Variants in VKORC1L1 observed in about 807,000 individuals in gnomAD.
The protein encoded by VKORC1L1 is vitamin K epoxide reductase complex subunit 1-like protein 1.
VKORC1L1 carries 2 observed loss-of-function variants against 18.9 expected under a neutral mutation model. The ratio of observed to expected loss-of-function variants is 0.11; its 90% CI spans 0.04 to 0.33. The LOEUF is 0.33. Among genes scored for constraint, VKORC1L1 ranks in the 10% least tolerant of loss-of-function variants. The pLI is 1.00. For missense variants in VKORC1L1, 123 were observed against 224.1 expected (o/e 0.55, Z 2.88); for synonymous variants, 96 against 100.0 (o/e 0.96, Z 0.24).
chr7:65,880,697 A>G (rs1324773146), intron 1 of VKORC1L1, among the ~76,000 whole-genome samples: 1 of 152,168 alleles, frequency 6.6e-6, no homozygotes, highest in Non-Finnish European at 1.5e-5. Context: ...ATTAGGAAGA[A>G]CTTGAAAGGG....
intron 1 of VKORC1L1, among the ~76,000 whole-genome samples, chr7:65,911,848 T>C (rs1789507497): frequency 6.6e-6 from 1 of 152,226 alleles, no homozygotes; most frequent in African/African-American, 2.4e-5. Context: ...GGCATTTTGC[T>C]CTGACTGGAT....
At chr7:65,916,829 C>T (rs1789597149) in intron 1 of VKORC1L1, among the ~76,000 whole-genome samples, 1 of 152,094 alleles carries the variant, frequency 6.6e-6, no homozygotes, top group African/African-American at 2.4e-5. Flanking sequence ...AACTCCTGAC[C>T]TCAGGTGATC....
Position 65,957,439 on chromosome 7 carries a change from C to A in VKORC1L1, c.*3139C>A, listed in dbSNP as rs1380790801. ...GAGGTTGCAGTGAGTCAAGATCATG[C>A]CACTGCACTCCAGCCTGGCCAACAG... On this transcript the variant is annotated 3_prime_UTR_variant, in exon 3 of 3. Coordinates refer to ENST00000360768, the MANE Select transcript of VKORC1L1 (RefSeq NM_173517.6). 3.3e-5 allele frequency: 5 copies of A among 151,906 alleles called. No homozygotes were observed. Among genetic ancestry groups the A allele is most frequent in the African/African-American group, 1.2e-4 (5 of 41,368 alleles). The allele number at this position is 151,906 out of a possible 1,614,324, so 9.4% of individuals were successfully genotyped here. A position where few individuals can be genotyped will look rare whatever the true frequency, so the allele number is the denominator to read the frequency against.
At chr7:65,940,355 A>G (rs1165584353) in intron 1 of VKORC1L1, among the ~76,000 whole-genome samples, 2 of 152,134 alleles carry the variant, frequency 1.3e-5, no homozygotes, top group Non-Finnish European at 2.9e-5. Context: ...ATACCCAAAC[A>G]ATCAATCAAT....
intron 2 of VKORC1L1, among the ~76,000 whole-genome samples, chr7:65,953,070 T>G (rs1790240122): frequency 6.6e-6 from 1 of 151,986 alleles, no homozygotes; most frequent in African/African-American, 2.4e-5. Flanking sequence ...GTCCTAGCAT[T>G]ACAGGCATGA....
At chr7:65,900,349 CAT>C (rs1789294116) in intron 1 of VKORC1L1, among the ~76,000 whole-genome samples, 1 of 150,368 alleles carries the variant, frequency 6.7e-6, no homozygotes, top group African/African-American at 2.5e-5. Context: ...GAGCTGAGAT[CAT>C]GCCACTGCAC....
At chr7:65,912,920 G>A (rs1789523865) in intron 1 of VKORC1L1, among the ~76,000 whole-genome samples, 1 of 152,086 alleles carries the variant, frequency 6.6e-6, no homozygotes, top group Admixed American at 6.6e-5. Context: ...ATTTCATCAT[G>A]GACTAGTAAA....
chr7:65,911,541 G>A (rs188836767), intron 1 of VKORC1L1, among the ~76,000 whole-genome samples: 4 of 152,180 alleles, frequency 2.6e-5, no homozygotes, highest in Non-Finnish European at 2.9e-5. Context: ...ATCACTGGTC[G>A]TGCACTTGCA....
chr7:65,895,049 T>C (rs1309921384), intron 1 of VKORC1L1, among the ~76,000 whole-genome samples: 1 of 152,224 alleles, frequency 6.6e-6, no homozygotes, highest in Non-Finnish European at 1.5e-5. Context: ...GTATCTGCTG[T>C]AAGTTGCTGT....
the VKORC1L1 span, among the ~76,000 whole-genome samples, chr7:65,867,482 G>C: frequency 9.2e-5 from 14 of 151,826 alleles, no homozygotes; most frequent in African/African-American, 2.9e-4. Flanking sequence ...TCTGGGAGTT[G>C]ACTGGGTTCA....
intron 1 of VKORC1L1, among the ~76,000 whole-genome samples, chr7:65,905,311 T>C (rs549783015): frequency 6.6e-6 from 1 of 152,226 alleles, no homozygotes; most frequent in African/African-American, 2.4e-5. Context: ...TTATTTTTTT[T>C]ATTTTTTTAT....
rs993140455 is a variant in VKORC1L1 at position 65,955,632 on chromosome 7, T to G, written c.*1332T>G. The G allele has an allele frequency of 1.3e-5, 2 of 152,202 alleles. No individual in the cohort carries two copies. The highest frequency in any genetic ancestry group is 4.8e-5 in the African/African-American group (2 of 41,460). The allele number at this position is 152,202 out of a possible 1,614,324, so 9.4% of individuals were successfully genotyped here. ...CAGAATGTTAAAAGTGCCTTCTGTC[T>G]TAAATCTCAAACCAAATATTTTGTG... On this transcript the variant is annotated 3_prime_UTR_variant, in exon 3 of 3. Transcript: ENST00000360768.
rs781531951 is a variant in VKORC1L1, at chr7:65,873,492, G to C, written c.121G>C (p.Glu41Gln). The change falls in exon 1 of 3, where the codon GAG (glutamate) becomes CAG (glutamine). Residue 41 changes from glutamate to glutamine, a missense_variant. Transcript: ENST00000360768. ...IYAYHVEREK[E>Q]RDPEHRALCD... is the part of the protein sequence containing the mutation. Reference sequence around the variant, plus strand: ...CGCCTACCACGTGGAGCGGGAGAAGGAGCGGGACCCCGAGCACCGGGCCCT... The same window carrying C: ...CGCCTACCACGTGGAGCGGGAGAAGCAGCGGGACCCCGAGCACCGGGCCCT... 6.3e-7 allele frequency: 1 copy of C among 1,595,648 alleles called. No homozygotes were observed. Among genetic ancestry groups the C allele is most frequent in the South Asian group, 1.1e-5 (1 of 90,042 alleles).
At chr7:65,910,053 C>T (rs1172122068) in intron 1 of VKORC1L1, among the ~76,000 whole-genome samples, 1 of 151,944 alleles carries the variant, frequency 6.6e-6, no homozygotes, top group African/African-American at 2.4e-5. Context: ...TGTTAAAAAG[C>T]CTGTTGCTTT....
intron 1 of VKORC1L1, among the ~76,000 whole-genome samples, chr7:65,926,296 C>G (rs935898813): frequency 2.6e-5 from 4 of 152,090 alleles, no homozygotes; most frequent in Admixed American, 2.6e-4. Flanking sequence ...GCTGGGACTA[C>G]AGGCACCCGC....
At chr7:65,903,350 A>C (rs1789350759) in intron 1 of VKORC1L1, among the ~76,000 whole-genome samples, 1 of 151,800 alleles carries the variant, frequency 6.6e-6, no homozygotes, top group South Asian at 2.1e-4. Context: ...TATTTTTAGT[A>C]GAGACAAGGT....
intron 1 of VKORC1L1, among the ~76,000 whole-genome samples, chr7:65,940,016 C>CTT (rs140795579): frequency 1.6e-4 from 23 of 148,296 alleles, no homozygotes; most frequent in South Asian, 2.1e-4. Context: ...GGAAAATTGT[C>CTT]TTTTTTTTTT....
chr7:65,886,226 G>T (rs1456595335), intron 1 of VKORC1L1, among the ~76,000 whole-genome samples: 1 of 152,076 alleles, frequency 6.6e-6, no homozygotes, highest in African/African-American at 2.4e-5. Context: ...TCTGGTTCTT[G>T]TAATAATCGG....
Position 65,954,366 on chromosome 7 carries a change from T to TTTTA in VKORC1L1, c.*68_*69insTATT. The TTTTA allele has an allele frequency of 6.8e-7, 1 of 1,477,410 alleles. No homozygotes were observed. The highest frequency in any genetic ancestry group is 2.4e-5 in the Admixed American group (1 of 41,256). The allele number at this position is 1,477,410 out of a possible 1,614,324, so 91.5% of individuals were successfully genotyped here. A position where few individuals can be genotyped will look rare whatever the true frequency, so the allele number is the denominator to read the frequency against. ...CATTCAGTTTATTTTGCAGCAGGTT[T>TTTTA]TTATTATTATTATTATTATTATTAT... On this transcript the variant is annotated 3_prime_UTR_variant, in exon 3 of 3. Transcript: ENST00000360768.
Sources: gnomAD v4.1 joint callset for allele counts (sites outside exome capture counted in the v4.1 genomes callset) on GRCh38, gnomAD v4.1.1 for gene constraint, MANE v1.5 for transcripts, NCBI Gene and HGNC (gene_info 2026-07-23, HGNC 2026-07-21) for gene names.